Variants in ADAMTS12 observed in about 807,000 individuals in gnomAD.
ADAMTS12 encodes ADAM metallopeptidase with thrombospondin type 1 motif 12, also known as A disintegrin and metalloproteinase with thrombospondin motifs 12.
In ADAMTS12, 118 loss-of-function variants were observed where a neutral mutation model predicts 167.8. That is an observed-to-expected ratio of 0.70 (90% CI 0.61 to 0.82). The LOEUF (loss-of-function observed/expected upper bound fraction) is 0.82. Among genes scored for constraint, ADAMTS12 ranks in the 40% least tolerant of loss-of-function variants. ADAMTS12 has a pLI of 0.00. For missense variants in ADAMTS12, 1,916 were observed against 1,998.8 expected, an observed-to-expected ratio of 0.96 and a Z score of 0.79; for synonymous variants, 704 against 716.9, an observed-to-expected ratio of 0.98 and a Z score of 0.29.
In ADAMTS12 at chr5:33,630,290, A is replaced by G. The variant is rs116142902; in HGVS notation, c.2022+490T>C. On this transcript the variant is annotated intron_variant, in intron 13 of 23. Coordinates refer to ENST00000504830, the MANE Select transcript of ADAMTS12 (RefSeq NM_030955.4). ...CATCAGGTCTAAATAATTTATATAGACTTGATTAATGAAGTGAGTGTGGAA... is the reference window on the plus strand; with the variant it reads ...CATCAGGTCTAAATAATTTATATAGGCTTGATTAATGAAGTGAGTGTGGAA... Among the ~76,000 whole-genome samples the G allele has an allele frequency of 8.7e-3, 1,321 of 152,296 alleles. 17 individuals are homozygous for G. Among genetic ancestry groups the G allele is most frequent in the African/African-American group, 0.031 (1,275 of 41,564 alleles).
chr5:33,788,272 CTT>C (rs1023223569), intron 2 of ADAMTS12, among the ~76,000 whole-genome samples: 4 of 152,042 alleles, frequency 2.6e-5, no homozygotes, highest in African/African-American at 9.7e-5. Flanking sequence ...CATTAACAGT[CTT>C]TTTTCTCTCT....
At chr5:33,640,397 C>T (rs1304135852) in intron 11 of ADAMTS12, among the ~76,000 whole-genome samples, 1 of 152,168 alleles carries the variant, frequency 6.6e-6, no homozygotes, top group Non-Finnish European at 1.5e-5. Flanking sequence ...AAGTCACTGA[C>T]CAACCTGCCA....
intron 7 of ADAMTS12, among the ~76,000 whole-genome samples, chr5:33,656,783 T>C (rs1741078533): frequency 6.6e-6 from 1 of 152,188 alleles, no homozygotes. Context: ...CTCCTGTCTG[T>C]TTGTGCATAA....
chr5:33,677,519 C>G (rs1177272743), intron 5 of ADAMTS12, among the ~76,000 whole-genome samples: 2 of 152,166 alleles, frequency 1.3e-5, no homozygotes, highest in East Asian at 3.9e-4. Flanking sequence ...AATCCCATCC[C>G]TAACCCCCGA....
chr5:33,684,110 CTACT>C (rs1742236469), intron 3 of ADAMTS12, 55 bp from the exon 4 acceptor site: 1 of 1,247,392 alleles, frequency 8.0e-7, no homozygotes, highest in Non-Finnish European at 1.0e-6. Context: ...CATATATTAT[CTACT>C]TATGTTAGTA....
intron 2 of ADAMTS12, among the ~76,000 whole-genome samples, chr5:33,800,323 G>A (rs1746951410): frequency 6.6e-6 from 1 of 152,186 alleles, no homozygotes; most frequent in South Asian, 2.1e-4. Context: ...TTAGTCTAGT[G>A]AGACAGATGA....
At chr5:33,690,952 A>G (rs980213446) in intron 3 of ADAMTS12, among the ~76,000 whole-genome samples, 1 of 152,164 alleles carries the variant, frequency 6.6e-6, no homozygotes. Context: ...GAAGTAATCA[A>G]CCGAGTGGAT....
chr5:33,534,112 T>G (rs557657792), intron 23 of ADAMTS12, among the ~76,000 whole-genome samples: 1 of 152,350 alleles, frequency 6.6e-6, no homozygotes, highest in East Asian at 1.9e-4. Context: ...AGCTCCTTTG[T>G]CTCTCACGCA....
chr5:33,844,477 G>A (rs1205015981), intron 2 of ADAMTS12, among the ~76,000 whole-genome samples: 6 of 152,158 alleles, frequency 3.9e-5, no homozygotes, highest in Non-Finnish European at 8.8e-5. Context: ...GGAAACTGTA[G>A]GGATGAAATA....
At chr5:33,648,994 G>A in intron 8 of ADAMTS12, 28 bp from the exon 9 acceptor site, 1 of 1,605,896 alleles carries the variant, frequency 6.2e-7, no homozygotes, top group Non-Finnish European at 8.5e-7. Context: ...GAAATGAGAG[G>A]AGTTGTTTAG....
chr5:33,663,471 G>A (rs1444966089), intron 5 of ADAMTS12, among the ~76,000 whole-genome samples: 3 of 152,246 alleles, frequency 2.0e-5, no homozygotes, highest in South Asian at 2.1e-4. Flanking sequence ...GGAGAGAAAC[G>A]AAGGAAATAT....
Position 33,677,412 on chromosome 5 carries a change from CT to C in ADAMTS12, c.915+5605del, listed in dbSNP as rs1741952201. On this transcript the variant is annotated intron_variant, in intron 5 of 23. Transcript: ENST00000504830. ...TGGAGACACAGACAAGTTAAACAAC[CT>C]ACCAAAATTATATGGCTAGCAAGCA... 2.6e-5 allele frequency among the ~76,000 whole-genome samples: 4 copies of C among 152,160 alleles called. No individual in the cohort carries two copies. In the South Asian group the frequency reaches 8.3e-4, roughly 32 times the overall value.
intron 2 of ADAMTS12, among the ~76,000 whole-genome samples, chr5:33,775,472 G>C (rs1745883200): frequency 6.6e-6 from 1 of 152,114 alleles, no homozygotes. Context: ...TACCATCAGA[G>C]TACAAAAATA....
chr5:33,718,314 G>A lies in ADAMTS12; in HGVS notation c.634+33090C>T, dbSNP rs536510364. Among the ~76,000 whole-genome samples the A allele has an allele frequency of 1.2e-4, 18 of 152,262 alleles. No homozygotes were observed. The East Asian group carries it at 2.7e-3, about 23-fold the overall frequency. On this transcript the variant is annotated intron_variant, in intron 3 of 23. Coordinates refer to ENST00000504830, the MANE Select transcript of ADAMTS12 (RefSeq NM_030955.4). The stretch of plus-strand genomic sequence containing the variant: ...TGTAAAGCAGGGGCCCCAACCTCCA[G>A]GCCATGGACCAGAATGGTCCATGGT...
intron 2 of ADAMTS12, among the ~76,000 whole-genome samples, chr5:33,756,952 T>C (rs745935721): frequency 7.2e-5 from 11 of 152,242 alleles, no homozygotes; most frequent in African/African-American, 7.2e-5. Context: ...ACTTGAGATA[T>C]AGCCAATGCA....
At chr5:33,570,120 T>C (rs1420443857) in intron 19 of ADAMTS12, among the ~76,000 whole-genome samples, 1 of 152,208 alleles carries the variant, frequency 6.6e-6, no homozygotes, top group Non-Finnish European at 1.5e-5. Flanking sequence ...CTGCCTCTGA[T>C]TGGTGTACAT....
At chr5:33,786,233 A>T (rs1467310989) in intron 2 of ADAMTS12, among the ~76,000 whole-genome samples, 2 of 152,258 alleles carry the variant, frequency 1.3e-5, no homozygotes, top group African/African-American at 2.4e-5. Context: ...TATTGTGATG[A>T]TTCCACAACT....
chr5:33,577,969 A>C (rs987365543), intron 18 of ADAMTS12, among the ~76,000 whole-genome samples: 2 of 152,204 alleles, frequency 1.3e-5, no homozygotes, highest in African/African-American at 2.4e-5. Flanking sequence ...CATGGTAAAG[A>C]ATCTTCATTG....
At chr5:33,692,763 C>CT (rs1561217704) in intron 3 of ADAMTS12, among the ~76,000 whole-genome samples, 1 of 152,210 alleles carries the variant, frequency 6.6e-6, no homozygotes, top group East Asian at 1.9e-4. Flanking sequence ...AGTGAGTTCT[C>CT]TTTTACTACC....
Sources: allele counts gnomAD v4.1 joint callset (sites outside exome capture counted in the v4.1 genomes callset), GRCh38; gene constraint gnomAD v4.1.1; transcripts MANE v1.5; gene names NCBI Gene and HGNC (gene_info 2026-07-23, HGNC 2026-07-21).